Variants in MFSD6 observed in about 807,000 individuals in gnomAD.
The protein encoded by MFSD6 is major facilitator superfamily domain containing 6.
A neutral mutation model predicts 56.3 loss-of-function variants in MFSD6; 26 were observed. The ratio of observed to expected loss-of-function variants is 0.46; its 90% confidence interval spans 0.34 to 0.64. The LOEUF (loss-of-function observed/expected upper bound fraction) is 0.64, where lower values mean the gene tolerates loss of function less well. Ranked by LOEUF, MFSD6 falls within the 30% of genes least tolerant of loss-of-function variation. The pLI is 0.01. For missense variants in MFSD6, 750 were observed against 986.2 expected, an observed-to-expected ratio of 0.76 and a Z score of 3.21; for synonymous variants, 331 against 366.9, an observed-to-expected ratio of 0.90 and a Z score of 1.12.
Position 190,490,108 on chromosome 2 carries a change from T to C in MFSD6, c.1891+242T>C, listed in dbSNP as rs930112473. On this transcript the variant is annotated intron_variant, in intron 6 of 7. Coordinates refer to ENST00000392328, the MANE Select transcript of MFSD6 (RefSeq NM_017694.4). The surrounding 1 kb of genome is among the most constrained non-coding windows in gnomAD (Gnocchi z 4.5). Reference sequence around the variant, plus strand: ...TTTTTTGTTTGTTTGTTTTCTTTTATAATACAAGGTACTAGGGAAGTATTA... The same window carrying C: ...TTTTTTGTTTGTTTGTTTTCTTTTACAATACAAGGTACTAGGGAAGTATTA... 2.6e-5 allele frequency among the ~76,000 whole-genome samples: 4 copies of C among 152,204 alleles called. No individual in the cohort carries two copies. Among genetic ancestry groups the C allele is most frequent in the African/African-American group, 2.4e-5 (1 of 41,462 alleles).
chr2:190,476,265 C>G (rs1246506633), intron 4 of MFSD6, among the ~76,000 whole-genome samples: 8 of 152,132 alleles, frequency 5.3e-5, no homozygotes, highest in Non-Finnish European at 1.0e-4. Context: ...TCAGAGTGAA[C>G]AGGCAACCTA....
At position 190,496,085 on chromosome 2, in the gene MFSD6, A is replaced by G. The variant is rs1199206092; in HGVS notation, c.1892-1354A>G. Among the ~76,000 whole-genome samples, 1 of 152,104 alleles carries G rather than the reference A, an allele frequency of 6.6e-6. No homozygotes were observed. Among genetic ancestry groups the G allele is most frequent in the Non-Finnish European group, 1.5e-5 (1 of 67,996 alleles). ...CAGAGTGGGAGAAAATCTTCAGTCT[A>G]TATATCCGACAAAGGACTAATATCC... On this transcript the variant is annotated intron_variant, in intron 6 of 7. Coordinates refer to ENST00000392328, the MANE Select transcript of MFSD6 (RefSeq NM_017694.4). This position sits in a 1 kb window ranked among gnomAD's most constrained non-coding sequence, Gnocchi z 4.7.
intron 4 of MFSD6, among the ~76,000 whole-genome samples, chr2:190,482,572 A>T (rs530592385): frequency 6.6e-6 from 1 of 152,272 alleles, no homozygotes; most frequent in African/African-American, 2.4e-5. Flanking sequence ...CTAGTTCCCT[A>T]GTACTGTGTC....
At position 190,467,693 on chromosome 2, in the gene MFSD6, T is replaced by A. The variant is rs1313525187; in HGVS notation, c.1533-2065T>A. ...CTGACCAAATCTGGCCTGCTGCCTG[T>A]TTTTATATGGCCCGTGAACTAAGAA... On this transcript the variant is annotated intron_variant, in intron 3 of 7. Coordinates refer to ENST00000392328, the MANE Select transcript of MFSD6 (RefSeq NM_017694.4). This position sits in a 1 kb window ranked among gnomAD's most constrained non-coding sequence, Gnocchi z 5.5. Among the ~76,000 whole-genome samples, 1 of 152,190 alleles carries A rather than the reference T, an allele frequency of 6.6e-6. No homozygotes were observed. The highest frequency in any genetic ancestry group is 1.5e-5 in the Non-Finnish European group (1 of 68,022).
intron 2 of MFSD6, among the ~76,000 whole-genome samples, chr2:190,429,227 C>CGTGTGTGTGT (rs34375122): frequency 6.7e-6 from 1 of 148,812 alleles, no homozygotes; most frequent in Non-Finnish European, 1.5e-5. Context: ...TCTTTTGTTA[C>CGTGTGTGTGT]GTGTGTGTGT....
At chr2:190,483,337 T>C (rs552234653) in intron 4 of MFSD6, among the ~76,000 whole-genome samples, 5 of 152,358 alleles carry the variant, frequency 3.3e-5, no homozygotes, top group African/African-American at 1.2e-4. Flanking sequence ...ACCTAAGCTC[T>C]GAACTTGGAC....
In MFSD6 at chr2:190,461,958, T is replaced by C. The variant is rs747742662; in HGVS notation, c.1533-7800T>C. ...GCCTTTCCCATGCCTAATTTGACAG[T>C]ACTTTTTTCCCTACCACTTAAATCT... On this transcript the variant is annotated intron_variant, in intron 3 of 7. Coordinates refer to ENST00000392328, the MANE Select transcript of MFSD6 (RefSeq NM_017694.4). This position sits in a 1 kb window ranked among gnomAD's most constrained non-coding sequence, Gnocchi z 5.5. Among the ~76,000 whole-genome samples, 10 of 152,148 alleles carry C rather than the reference T, an allele frequency of 6.6e-5. No individual in the cohort carries two copies. Among genetic ancestry groups the C allele is most frequent in the Non-Finnish European group, 1.5e-4 (10 of 68,034 alleles).
At chr2:190,449,346 C>T (rs1198740173) in intron 3 of MFSD6, among the ~76,000 whole-genome samples, 1 of 151,920 alleles carries the variant, frequency 6.6e-6, no homozygotes, top group Non-Finnish European at 1.5e-5. Flanking sequence ...TGGTGGCGGG[C>T]ACTTGTAGTC....
rs1167445037 is a variant in MFSD6 at position 190,458,912 on chromosome 2, A to G, written c.1533-10846A>G. 6.6e-6 allele frequency among the ~76,000 whole-genome samples: 1 copy of G among 152,228 alleles called. No homozygotes were observed. Among genetic ancestry groups the G allele is most frequent in the African/African-American group, 2.4e-5 (1 of 41,464 alleles). On this transcript the variant is annotated intron_variant, in intron 3 of 7. Transcript: ENST00000392328. This position sits in a 1 kb window ranked among gnomAD's most constrained non-coding sequence, Gnocchi z 5.3. ...TGCGCCAGAGGTCCCAGGCAGCTCTAGGATCAAGTTCAGCTGAGAACAGAG... is the reference window on the plus strand; with the variant it reads ...TGCGCCAGAGGTCCCAGGCAGCTCTGGGATCAAGTTCAGCTGAGAACAGAG...
chr2:190,449,778 A>G (rs893264854), intron 3 of MFSD6, among the ~76,000 whole-genome samples: 3 of 150,334 alleles, frequency 2.0e-5, no homozygotes, highest in African/African-American at 7.4e-5. Flanking sequence ...AAAACCAAAC[A>G]CCGCATATTC....
At chr2:190,449,899 G>T (rs943050531) in intron 3 of MFSD6, among the ~76,000 whole-genome samples, 26 of 152,188 alleles carry the variant, frequency 1.7e-4, no homozygotes, top group African/African-American at 6.3e-4. Context: ...AGCTTTAGGA[G>T]ATATACCTAA....
rs1385452921 is a variant in MFSD6 at position 190,462,622 on chromosome 2, G to A, written c.1533-7136G>A. ...ACAGACTGTGATGAGTCCTCTAATG[G>A]AAACAAAGAGTGTAGCAGAGGAACA... On this transcript the variant is annotated intron_variant, in intron 3 of 7. Transcript: ENST00000392328. The surrounding 1 kb of genome is among the most constrained non-coding windows in gnomAD (Gnocchi z 5.7). Among the ~76,000 whole-genome samples the A allele has an allele frequency of 6.6e-6, 1 of 152,104 alleles. No homozygotes were observed. Among genetic ancestry groups the A allele is most frequent in the Non-Finnish European group, 1.5e-5 (1 of 68,012 alleles).
rs1457107396 is a variant in MFSD6 at position 190,491,907 on chromosome 2, A to C, written c.1891+2041A>C. 6.6e-6 allele frequency among the ~76,000 whole-genome samples: 1 copy of C among 152,210 alleles called. No individual in the cohort carries two copies. Among genetic ancestry groups the C allele is most frequent in the Non-Finnish European group, 1.5e-5 (1 of 68,032 alleles). On this transcript the variant is annotated intron_variant, in intron 6 of 7. Transcript: ENST00000392328. The surrounding 1 kb of genome is among the most constrained non-coding windows in gnomAD (Gnocchi z 4.2). ...GAAGTCCAATTTAAGGAAATCAAAAAAATGATACAAGAAGTGAGGGGAGAA... is the reference window on the plus strand; with the variant it reads ...GAAGTCCAATTTAAGGAAATCAAAACAATGATACAAGAAGTGAGGGGAGAA...
rs1290816539 is a variant in MFSD6 at position 190,423,023 on chromosome 2, A to G, written c.-54+7610A>G. Among the ~76,000 whole-genome samples, 1 of 152,146 alleles carries G rather than the reference A, an allele frequency of 6.6e-6. No homozygotes were observed. Among genetic ancestry groups the G allele is most frequent in the East Asian group, 1.9e-4 (1 of 5,190 alleles). On this transcript the variant is annotated intron_variant, in intron 2 of 7. Transcript: ENST00000392328. The surrounding 1 kb of genome is among the most constrained non-coding windows in gnomAD (Gnocchi z 4.3). ...CAGCACCCCAAAATTCCTTCTAGTC[A>G]CTATCTCCCTTAAGGGTAACCCCTA... is the stretch of plus-strand genomic sequence containing the variant.
chr2:190,437,653 T>A lies in MFSD6; in HGVS notation c.1532+92T>A, dbSNP rs1010993693. 1 of 1,414,346 alleles carries A rather than the reference T, an allele frequency of 7.1e-7. No individual in the cohort carries two copies. The highest frequency in any genetic ancestry group is 1.4e-5 in the African/African-American group (1 of 69,492). The allele number at this position is 1,414,346 out of a possible 1,614,324, so 87.6% of individuals were successfully genotyped here. Reference sequence around the variant, plus strand: ...CTTCTACTACAATTTTAAGGTATTATAATTTGTGTTGAGGATAGGGTTGGA... The same window carrying A: ...CTTCTACTACAATTTTAAGGTATTAAAATTTGTGTTGAGGATAGGGTTGGA... On this transcript the variant is annotated intron_variant, in intron 3 of 7. Transcript: ENST00000392328. The surrounding 1 kb of genome is among the most constrained non-coding windows in gnomAD (Gnocchi z 5.9).
intron 2 of MFSD6, among the ~76,000 whole-genome samples, chr2:190,419,445 C>T (rs1690919501): frequency 6.6e-6 from 1 of 152,242 alleles, no homozygotes; most frequent in South Asian, 2.1e-4. Context: ...GCAGCTTCAG[C>T]CCTCATCACT....
At position 190,443,300 on chromosome 2, in the gene MFSD6, CAG is replaced by C. The variant is rs1553518705; in HGVS notation, c.1532+5741_1532+5742del. ...GAACTATATGGCCTTGGACAAGTTA[CAG>C]AACTTTTTGCATCTCTGTATTGTTA... is the stretch of plus-strand genomic sequence containing the variant. On this transcript the variant is annotated intron_variant, in intron 3 of 7. Transcript: ENST00000392328. The surrounding 1 kb of genome is among the most constrained non-coding windows in gnomAD (Gnocchi z 4.2). Among the ~76,000 whole-genome samples, 1 of 152,144 alleles carries C rather than the reference CAG, an allele frequency of 6.6e-6. No homozygotes were observed. Among genetic ancestry groups the C allele is most frequent in the Non-Finnish European group, 1.5e-5 (1 of 68,024 alleles).
rs1172092919 is a variant in MFSD6 at position 190,495,581 on chromosome 2, T to G, written c.1892-1858T>G. 6.6e-6 allele frequency among the ~76,000 whole-genome samples: 1 copy of G among 152,166 alleles called. No individual in the cohort carries two copies. The highest frequency in any genetic ancestry group is 2.1e-4 in the South Asian group (1 of 4,830). On this transcript the variant is annotated intron_variant, in intron 6 of 7. Coordinates refer to ENST00000392328, the MANE Select transcript of MFSD6 (RefSeq NM_017694.4). This position sits in a 1 kb window ranked among gnomAD's most constrained non-coding sequence, Gnocchi z 4.7. ...AAGAACAAATCTGGAGGCATCACAC[T>G]ACCTGATTTCAAACTATACTATAAG...
At position 190,439,887 on chromosome 2, in the gene MFSD6, T is replaced by A. The variant is rs113103088; in HGVS notation, c.1532+2326T>A. On this transcript the variant is annotated intron_variant, in intron 3 of 7. Transcript: ENST00000392328. This position sits in a 1 kb window ranked among gnomAD's most constrained non-coding sequence, Gnocchi z 5.8. ...AATATGTCCACATACTTAGGTAGAA[T>A]GGATCTGTTCCTTTTAGTGATAATT... Among the ~76,000 whole-genome samples, 898 of 152,344 alleles carry A rather than the reference T, an allele frequency of 5.9e-3. 11 individuals carry two copies. The highest frequency in any genetic ancestry group is 0.021 in the African/African-American group (866 of 41,588).
Sources: allele counts gnomAD v4.1 joint callset (sites outside exome capture counted in the v4.1 genomes callset), GRCh38; gene constraint gnomAD v4.1.1; non-coding constraint Gnocchi (gnomAD v3.1); transcripts MANE v1.5; gene names NCBI Gene and HGNC (gene_info 2026-07-23, HGNC 2026-07-21).